Variants in GNAQ observed in about 807,000 individuals in gnomAD.
The protein encoded by GNAQ is G protein subunit alpha q.
Under a neutral mutation model 43.9 loss-of-function variants are expected in GNAQ, and 8 were observed. The observed-to-expected ratio is 0.18, with a 90% CI of 0.11 to 0.33. GNAQ has a LOEUF of 0.33. GNAQ is among the 10% of genes least tolerant of loss of function. The pLI, the probability that GNAQ is intolerant of heterozygous loss-of-function variation, is 1.00. For synonymous variants in GNAQ, 155 were observed against 170.7 expected (o/e 0.91, Z 0.71); for missense variants, 158 against 450.8 (o/e 0.35, Z 5.88).
At chr9:77,744,563 G>A (rs1048339749) in intron 5 of GNAQ, among the ~76,000 whole-genome samples, 15 of 152,136 alleles carry the variant, frequency 9.9e-5, no homozygotes, top group African/African-American at 3.4e-4. Context: ...TTCTGATGAA[G>A]GTGAAAGGGA....
At chr9:77,727,382 T>C (rs1468990035) in intron 6 of GNAQ, among the ~76,000 whole-genome samples, 1 of 152,244 alleles carries the variant, frequency 6.6e-6, no homozygotes, top group South Asian at 2.1e-4. Flanking sequence ...TACATGTGGA[T>C]GCATTTTGTT....
intron 5 of GNAQ, among the ~76,000 whole-genome samples, chr9:77,765,654 T>C (rs1826123877): frequency 6.6e-6 from 1 of 152,226 alleles, no homozygotes. Context: ...TGTACACTGC[T>C]GGTGGGAACA....
chr9:77,762,599 A>T (rs549463221), intron 5 of GNAQ, among the ~76,000 whole-genome samples: 4,960 of 149,662 alleles, frequency 0.033, 198 homozygotes, highest in African/African-American at 0.11. Context: ...GGGAGGTGTG[A>T]CCAACAGCCC....
At chr9:77,746,197 T>A (rs1235762210) in intron 5 of GNAQ, among the ~76,000 whole-genome samples, 2 of 152,276 alleles carry the variant, frequency 1.3e-5, no homozygotes, top group East Asian at 3.9e-4. Context: ...AATTTAAAAA[T>A]TATTCCAAGG....
intron 5 of GNAQ, among the ~76,000 whole-genome samples, chr9:77,790,780 T>C (rs1257610232): frequency 1.3e-5 from 2 of 152,196 alleles, no homozygotes; most frequent in African/African-American, 4.8e-5. Context: ...GACCTGGCCT[T>C]CAGTGACCTT....
At chr9:77,753,086 CAAA>C (rs547963667) in intron 5 of GNAQ, among the ~76,000 whole-genome samples, 1 of 53,022 alleles carries the variant, frequency 1.9e-5, no homozygotes, top group Non-Finnish European at 4.2e-5. Flanking sequence ...GACTCTGTCT[CAAA>C]AAAAAAAAAA....
intron 2 of GNAQ, among the ~76,000 whole-genome samples, chr9:77,817,051 C>A (rs908053900): frequency 6.6e-6 from 1 of 152,132 alleles, no homozygotes; most frequent in African/African-American, 2.4e-5. Context: ...GAAAATGAAT[C>A]CCTGTAGCTG....
intron 5 of GNAQ, among the ~76,000 whole-genome samples, chr9:77,787,407 A>G (rs1474543173): frequency 1.3e-5 from 2 of 152,190 alleles, no homozygotes; most frequent in Admixed American, 6.5e-5. Flanking sequence ...CCACTGCTGT[A>G]TATTTTTTGT....
At chr9:78,005,960 T>A (rs1182942242) in intron 1 of GNAQ, among the ~76,000 whole-genome samples, 1 of 152,140 alleles carries the variant, frequency 6.6e-6, no homozygotes, top group Non-Finnish European at 1.5e-5. Flanking sequence ...CCTCTCCAAG[T>A]GGGGTCACAT....
chr9:77,766,031 A>C (rs967276777), intron 5 of GNAQ, among the ~76,000 whole-genome samples: 2 of 152,240 alleles, frequency 1.3e-5, no homozygotes, highest in African/African-American at 4.8e-5. Context: ...TACACAGAGT[A>C]GTCAAATTCA....
intron 1 of GNAQ, among the ~76,000 whole-genome samples, chr9:77,925,052 G>T (rs926669152): frequency 1.3e-5 from 2 of 152,042 alleles, no homozygotes; most frequent in Admixed American, 6.5e-5. Context: ...CTCCTGCTGG[G>T]TGGCCCTCTC....
In GNAQ at chr9:77,728,509, C is replaced by G. The variant is rs1410793566; in HGVS notation, c.889+5G>C. On this transcript the variant is annotated splice_donor_5th_base_variant and intron_variant, in intron 6 of 6. Transcript: ENST00000286548. ...TACTGAGCTGTGGTATGAGTGCTGACTTACCATCATATTCTGGGAAGTAGT... is the reference window on the plus strand; with the variant it reads ...TACTGAGCTGTGGTATGAGTGCTGAGTTACCATCATATTCTGGGAAGTAGT... 1 of 1,597,874 alleles carries G rather than the reference C, an allele frequency of 6.3e-7. No homozygotes were observed. Among genetic ancestry groups the G allele is most frequent in the Non-Finnish European group, 8.6e-7 (1 of 1,166,856 alleles).
rs192791836 is a variant in GNAQ, at chr9:77,829,978, T to C, written c.322-14208A>G. Among the ~76,000 whole-genome samples, 189 of 152,008 alleles carry C rather than the reference T, an allele frequency of 1.2e-3. 2 individuals are homozygous for C. The highest frequency in any genetic ancestry group is 2.0e-3 in the Non-Finnish European group (136 of 67,968). On this transcript the variant is annotated intron_variant, in intron 2 of 6. Coordinates refer to ENST00000286548, the MANE Select transcript of GNAQ (RefSeq NM_002072.5). ...TTTTTTTTCTTTTTTTGAGACAGGG[T>C]CTTACTCTTTTGCCAGGCTGAAGTG...
intron 3 of GNAQ, among the ~76,000 whole-genome samples, chr9:77,813,913 G>A (rs1020447729): frequency 6.6e-6 from 1 of 152,128 alleles, no homozygotes; most frequent in Admixed American, 6.6e-5. Flanking sequence ...TGGAGGATGA[G>A]TTAGTTTTAA....
At chr9:77,981,913 T>TTG (rs1242513606) in intron 1 of GNAQ, among the ~76,000 whole-genome samples, 1 of 152,218 alleles carries the variant, frequency 6.6e-6, no homozygotes, top group African/African-American at 2.4e-5. Flanking sequence ...ATAAGAGTGA[T>TTG]TACAAACTGT....
intron 5 of GNAQ, among the ~76,000 whole-genome samples, chr9:77,736,011 A>C (rs1383751413): frequency 6.6e-6 from 1 of 152,220 alleles, no homozygotes; most frequent in Non-Finnish European, 1.5e-5. Flanking sequence ...AAATTGCTAC[A>C]TAAGAACCTC....
rs373862178 is a variant in GNAQ at position 77,801,378 on chromosome 9, T to C, written c.477-3730A>G. On this transcript the variant is annotated intron_variant, in intron 3 of 6. Coordinates refer to ENST00000286548, the MANE Select transcript of GNAQ (RefSeq NM_002072.5). Reference sequence around the variant, plus strand: ...CCTCTTCATCTTTTCAATGGCAGTATAGATCACAGAGAATGACAACAACAG... The same window carrying C: ...CCTCTTCATCTTTTCAATGGCAGTACAGATCACAGAGAATGACAACAACAG... Among the ~76,000 whole-genome samples the C allele has an allele frequency of 3.6e-4, 55 of 152,346 alleles. 1 individual carries two copies. The South Asian group carries it at 7.5e-3, about 21-fold the overall frequency.
intron 2 of GNAQ, among the ~76,000 whole-genome samples, chr9:77,919,519 G>T (rs1020144711): frequency 6.6e-6 from 1 of 152,274 alleles, no homozygotes; most frequent in African/African-American, 2.4e-5. Context: ...GAGCTGAACA[G>T]GAAGGAGTAG....
rs2118184767 is a variant in GNAQ at position 77,719,670 on chromosome 9, T to C, written c.*1653A>G. 4.3e-6 allele frequency: 1 copy of C among 232,908 alleles called. No individual in the cohort carries two copies. Among genetic ancestry groups the C allele is most frequent in the South Asian group, 1.8e-4 (1 of 5,524 alleles). 14.4% of individuals were successfully genotyped at this position (232,908 alleles called of 1,614,324 possible). A position where few individuals can be genotyped will look rare whatever the true frequency, so the allele number is the denominator to read the frequency against. ...ACGTCCCAGCAGCTTTGAACAATCA[T>C]GATTTATTTTCTTAAATCAAATTTC... On this transcript the variant is annotated 3_prime_UTR_variant, in exon 7 of 7. Coordinates refer to ENST00000286548, the MANE Select transcript of GNAQ (RefSeq NM_002072.5).
Sources: allele counts gnomAD v4.1 joint callset (sites outside exome capture counted in the v4.1 genomes callset), GRCh38; gene constraint gnomAD v4.1.1; transcripts MANE v1.5; gene names NCBI Gene and HGNC (gene_info 2026-07-23, HGNC 2026-07-21).